The following TFB1M variants were observed in gnomAD, a reference collection of about 807,000 sequenced individuals.
The protein encoded by TFB1M is transcription factor B1, mitochondrial, also known as dimethyladenosine transferase 1, mitochondrial.
TFB1M carries 27 observed loss-of-function variants against 31.1 expected under a neutral mutation model. The ratio of observed to expected loss-of-function variants is 0.87; its 90% confidence interval spans 0.64 to 1.20. The LOEUF is 1.20. Ranked by LOEUF, TFB1M falls within the 50% of genes most tolerant of loss-of-function variation. TFB1M has a pLI of 0.00. For missense variants in TFB1M, 394 were observed against 418.7 expected (o/e 0.94, Z 0.51); for synonymous variants, 166 against 151.8 (o/e 1.09, Z -0.69).
intron 4 of TFB1M, among the ~76,000 whole-genome samples, chr6:155,292,222 G>T (rs1776958044): frequency 6.6e-6 from 1 of 152,178 alleles, no homozygotes; most frequent in Non-Finnish European, 1.5e-5. Context: ...GGCAGAATTT[G>T]TGGGGCAGAC....
At chr6:155,303,212 G>A (rs1777514809) in intron 2 of TFB1M, 1 of 152,162 alleles carries the variant, frequency 6.6e-6, no homozygotes. Flanking sequence ...TTAGGCCAAT[G>A]TATAGGGATG....
the TFB1M span, among the ~76,000 whole-genome samples, chr6:155,244,411 A>G: frequency 3.3e-4 from 50 of 152,242 alleles, no homozygotes; most frequent in African/African-American, 1.2e-3. Context: ...CTTAATTTGA[A>G]TTCTGAGAAT....
At chr6:155,232,253 C>T in the TFB1M span, among the ~76,000 whole-genome samples, 2 of 150,130 alleles carry the variant, frequency 1.3e-5, no homozygotes, top group African/African-American at 4.9e-5. Flanking sequence ...AAAAGTCCTT[C>T]GTGCAATTTT....
rs761948828 is a variant in TFB1M at position 155,260,329 on chromosome 6, T to C, written c.738A>G (p.Glu246=). ...PKIEQPFKLV[E]KVVQNVFQFR... ...ACTGAAATACATTCTGAACCACTTT[T>C]TCCACCAGCTTGAATGGCTGCTCTA... is the stretch of plus-strand genomic sequence containing the variant. The change falls in exon 6 of 7, where the codon GAA becomes GAG. Residue 246 remains glutamate (E), a synonymous_variant. Coordinates refer to ENST00000367166, the MANE Select transcript of TFB1M (RefSeq NM_016020.4). 6.2e-7 allele frequency: 1 copy of C among 1,614,262 alleles called. No individual in the cohort carries two copies. Among genetic ancestry groups the C allele is most frequent in the East Asian group, 2.2e-5 (1 of 44,892 alleles).
At chr6:155,250,291 C>CT in the TFB1M span, among the ~76,000 whole-genome samples, 3,422 of 133,644 alleles carry the variant, frequency 0.026, 115 homozygotes, top group African/African-American at 0.072. Flanking sequence ...TTGATTTTGC[C>CT]TTTTTTTTTT....
the TFB1M span, among the ~76,000 whole-genome samples, chr6:155,247,509 A>G: frequency 6.6e-6 from 1 of 152,100 alleles, no homozygotes; most frequent in African/African-American, 2.4e-5. Context: ...TTGTATTTTT[A>G]GTAGAGACGG....
chr6:155,231,080 G>C, the TFB1M span, among the ~76,000 whole-genome samples: 3 of 151,792 alleles, frequency 2.0e-5, no homozygotes, highest in Non-Finnish European at 4.4e-5. Context: ...GACATCAAGT[G>C]ATCCGCCCAC....
At chr6:155,297,150 T>C (rs780269615) in intron 3 of TFB1M, 46 bp from the exon 4 acceptor site, 3 of 1,588,306 alleles carry the variant, frequency 1.9e-6, no homozygotes, top group African/African-American at 1.3e-5. Context: ...CATCAATATA[T>C]TCTGAATACA....
chr6:155,258,919 A>G (rs1025078938), intron 6 of TFB1M, among the ~76,000 whole-genome samples: 1 of 152,076 alleles, frequency 6.6e-6, no homozygotes, highest in African/African-American at 2.4e-5. Context: ...GCAGTTTCTA[A>G]TATCTGAAGA....
At chr6:155,286,479 A>G (rs112743317) in intron 4 of TFB1M, among the ~76,000 whole-genome samples, 34 of 118,230 alleles carry the variant, frequency 2.9e-4, no homozygotes, top group Non-Finnish European at 4.0e-4. Flanking sequence ...ATATATATAT[A>G]TGTGTGTGTA....
intron 4 of TFB1M, among the ~76,000 whole-genome samples, chr6:155,296,278 G>A (rs1380487812): frequency 3.3e-5 from 5 of 151,714 alleles, no homozygotes; most frequent in Non-Finnish European, 7.4e-5. Flanking sequence ...ATGCCCCGCC[G>A]AGACAGAGTC....
chr6:155,253,115 T>C (rs1404470701), downstream of TFB1M: 12 of 1,396,746 alleles, frequency 8.6e-6, no homozygotes, highest in Non-Finnish European at 1.2e-5. Flanking sequence ...CTGTGGAATG[T>C]AAATTAAGAA....
chr6:155,275,925 C>T (rs1189019584), intron 5 of TFB1M: 12 of 1,614,028 alleles, frequency 7.4e-6, no homozygotes, highest in Non-Finnish European at 1.0e-5. Flanking sequence ...CTGAAACACT[C>T]CATTCTGTCC....
intron 2 of TFB1M, among the ~76,000 whole-genome samples, chr6:155,301,377 A>G (rs1344328956): frequency 6.6e-6 from 1 of 152,192 alleles, no homozygotes; most frequent in Non-Finnish European, 1.5e-5. Flanking sequence ...AACACTTCAA[A>G]TGATATTAGG....
intron 5 of TFB1M, among the ~76,000 whole-genome samples, chr6:155,271,502 T>G (rs966539180): frequency 1.3e-5 from 2 of 152,240 alleles, no homozygotes; most frequent in Admixed American, 6.5e-5. Context: ...AGTGATCAGA[T>G]TCTAGTCAAA....
chr6:155,262,571 C>T (rs1784438976), intron 5 of TFB1M, among the ~76,000 whole-genome samples: 1 of 152,194 alleles, frequency 6.6e-6, no homozygotes, highest in Admixed American at 6.5e-5. Flanking sequence ...TACTAGCAGC[C>T]TGCTAGTCTC....
chr6:155,306,788 C>T (rs1269615559), intron 2 of TFB1M, among the ~76,000 whole-genome samples: 1 of 152,130 alleles, frequency 6.6e-6, no homozygotes, highest in African/African-American at 2.4e-5. Context: ...TGTTTATTTT[C>T]TTGATTGTGA....
At chr6:155,267,559 C>T (rs371174481) in intron 5 of TFB1M, among the ~76,000 whole-genome samples, 2 of 152,118 alleles carry the variant, frequency 1.3e-5, no homozygotes, top group African/African-American at 2.4e-5. Context: ...TGGTGAGTGA[C>T]GACAGCAGGT....
At chr6:155,240,610 G>C in the TFB1M span, 1 of 1,614,182 alleles carries the variant, frequency 6.2e-7, no homozygotes. Context: ...GGGAGAATCA[G>C]GATCCTCCTC....
Sources: gnomAD v4.1 joint callset for allele counts (sites outside exome capture counted in the v4.1 genomes callset) on GRCh38, gnomAD v4.1.1 for gene constraint, MANE v1.5 for transcripts, NCBI Gene and HGNC (gene_info 2026-07-23, HGNC 2026-07-21) for gene names.